Variants in BCL2 observed in about 807,000 individuals in gnomAD.
BCL2 encodes BCL2 apoptosis regulator.
Under a neutral mutation model 14.2 loss-of-function variants are expected in BCL2, and 1 was observed. The observed-to-expected ratio is 0.07, with a 90% CI of 0.02 to 0.33. BCL2 has a LOEUF of 0.33. Among genes scored for constraint, BCL2 ranks in the 10% least tolerant of loss-of-function variants. The pLI, the probability that BCL2 is intolerant of heterozygous loss-of-function variation, is 0.99. For synonymous variants in BCL2, 151 were observed against 137.2 expected (o/e 1.10, Z -0.70); for missense variants, 247 against 305.9 (o/e 0.81, Z 1.44).
intron 2 of BCL2, among the ~76,000 whole-genome samples, chr18:63,175,949 G>T (rs1172311513): frequency 6.6e-6 from 1 of 152,232 alleles, no homozygotes; most frequent in Non-Finnish European, 1.5e-5. Context: ...GATGTGACTT[G>T]TTATGATGGA....
At chr18:63,185,175 C>A (rs1206188433) in intron 2 of BCL2, among the ~76,000 whole-genome samples, 1 of 152,182 alleles carries the variant, frequency 6.6e-6, no homozygotes, top group Non-Finnish European at 1.5e-5. Flanking sequence ...TATTCAGTGT[C>A]ACAAATGAAA....
chr18:63,266,624 C>G (rs1911831545), intron 2 of BCL2, among the ~76,000 whole-genome samples: 2 of 150,140 alleles, frequency 1.3e-5, no homozygotes, highest in Admixed American at 1.3e-4. Context: ...CTCTCTCTCT[C>G]TCTCTCTCTC....
At chr18:63,234,818 C>G (rs1378181141) in intron 2 of BCL2, among the ~76,000 whole-genome samples, 1 of 152,184 alleles carries the variant, frequency 6.6e-6, no homozygotes, top group Non-Finnish European at 1.5e-5. Context: ...GAGATAGCAT[C>G]TAGCTCACAG....
chr18:63,204,463 C>T (rs1909779559), intron 2 of BCL2, among the ~76,000 whole-genome samples: 1 of 152,202 alleles, frequency 6.6e-6, no homozygotes, highest in Non-Finnish European at 1.5e-5. Context: ...ACTCAAGGCA[C>T]ATATTCCAAC....
rs747107129 is a variant in BCL2 at position 63,319,569 on chromosome 18, C to A, written c.-682G>T. 7 of 228,282 alleles carry A rather than the reference C, an allele frequency of 3.1e-5. No individual in the cohort carries two copies. Among genetic ancestry groups the A allele is most frequent in the Non-Finnish European group, 5.2e-5 (6 of 114,974 alleles). The allele number at this position is 228,282 out of a possible 1,614,324, so 14.1% of individuals were successfully genotyped here. On this transcript the variant is annotated 5_prime_UTR_variant, in exon 1 of 3. Coordinates refer to ENST00000333681, the MANE Select transcript of BCL2 (RefSeq NM_000633.3). ...AGGCATGAATCTCTATCCACGGGAC[C>A]GCTTCACGCCTCCCCAGGAGAGAGA...
At chr18:63,265,332 G>T (rs189761858) in intron 2 of BCL2, among the ~76,000 whole-genome samples, 1 of 152,282 alleles carries the variant, frequency 6.6e-6, no homozygotes, top group African/African-American at 2.4e-5. Context: ...AATACAGGAC[G>T]ATTTCCTATA....
At chr18:63,208,137 A>C (rs1388324967) in intron 2 of BCL2, 1 of 152,218 alleles carries the variant, frequency 6.6e-6, no homozygotes, top group Non-Finnish European at 1.5e-5. Context: ...TATGGAATAT[A>C]CTTCCACATT....
chr18:63,217,540 G>C (rs1053650911), intron 2 of BCL2, among the ~76,000 whole-genome samples: 1 of 152,144 alleles, frequency 6.6e-6, no homozygotes, highest in African/African-American at 2.4e-5. Context: ...ATCCCCAATA[G>C]TTCACCCACA....
At chr18:63,302,226 G>A (rs192831853) in intron 2 of BCL2, 412 of 559,338 alleles carry the variant, frequency 7.4e-4, no homozygotes, top group African/African-American at 3.5e-3. Flanking sequence ...CCAGCTACTC[G>A]GGAGGCTGAG....
At chr18:63,273,244 A>G (rs1488190764) in intron 2 of BCL2, among the ~76,000 whole-genome samples, 2 of 152,222 alleles carry the variant, frequency 1.3e-5, no homozygotes, top group Non-Finnish European at 2.9e-5. Context: ...ATCAACCAAT[A>G]CACATGGAAA....
At chr18:63,143,812 G>A (rs1214622278) in intron 2 of BCL2, among the ~76,000 whole-genome samples, 1 of 152,214 alleles carries the variant, frequency 6.6e-6, no homozygotes, top group Non-Finnish European at 1.5e-5. Context: ...GAGCGAGTTG[G>A]CTCAGGTTGC....
chr18:63,131,711 A>G (rs1202687577), intron 2 of BCL2, among the ~76,000 whole-genome samples: 1 of 152,224 alleles, frequency 6.6e-6, no homozygotes, highest in Non-Finnish European at 1.5e-5. Flanking sequence ...TGACATTGAG[A>G]AGGTCAGTGG....
intron 2 of BCL2, among the ~76,000 whole-genome samples, chr18:63,257,828 G>A (rs975817107): frequency 6.6e-6 from 1 of 152,222 alleles, no homozygotes; most frequent in Non-Finnish European, 1.5e-5. Context: ...GGAGCATGGA[G>A]AGGGAAGAGG....
At chr18:63,273,077 A>G (rs4987737) in intron 2 of BCL2, among the ~76,000 whole-genome samples, 4,011 of 152,266 alleles carry the variant, frequency 0.026, 172 homozygotes, top group African/African-American at 0.092. Context: ...CAGGATTTTC[A>G]TAATGATACA....
intron 2 of BCL2, among the ~76,000 whole-genome samples, chr18:63,281,736 GAA>G (rs575219471): frequency 7.3e-6 from 1 of 136,740 alleles, no homozygotes; most frequent in African/African-American, 2.7e-5. Context: ...AAGAAAGAAA[GAA>G]AAAGAGAGAG....
At position 63,123,485 on chromosome 18, in the gene BCL2, A is replaced by G. The variant is rs1240973923; in HGVS notation, c.*5140T>C. On this transcript the variant is annotated 3_prime_UTR_variant, in exon 3 of 3. Coordinates refer to ENST00000333681, the MANE Select transcript of BCL2 (RefSeq NM_000633.3). ...TGGTGGCCAACTGGAGACTTACTTT[A>G]CCTTAACCATGTAAAGTATCCTTAC... 4.9e-6 allele frequency: 1 copy of G among 204,350 alleles called. No individual in the cohort carries two copies. The highest frequency in any genetic ancestry group is 1.0e-5 in the Non-Finnish European group (1 of 99,780). 12.7% of individuals were successfully genotyped at this position (204,350 alleles called of 1,614,324 possible). A position where few individuals can be genotyped will look rare whatever the true frequency, so the allele number is the denominator to read the frequency against.
intron 2 of BCL2, among the ~76,000 whole-genome samples, chr18:63,227,053 CA>C (rs770700439): frequency 7.0e-6 from 1 of 143,644 alleles, no homozygotes; most frequent in Non-Finnish European, 1.5e-5. Flanking sequence ...AAGATAAAAA[CA>C]AAAAAAAATT....
At chr18:63,259,816 A>C (rs914514598) in intron 2 of BCL2, among the ~76,000 whole-genome samples, 2 of 152,256 alleles carry the variant, frequency 1.3e-5, no homozygotes, top group Admixed American at 1.3e-4. Flanking sequence ...ATCTATATTG[A>C]ACAGAAAGAA....
intron 2 of BCL2, among the ~76,000 whole-genome samples, chr18:63,309,926 G>A (rs1485717974): frequency 1.3e-5 from 2 of 151,988 alleles, no homozygotes; most frequent in East Asian, 1.9e-4. Flanking sequence ...GCAGTGACAC[G>A]ATCTCGGCTC....
Sources: gnomAD v4.1 joint callset for allele counts (sites outside exome capture counted in the v4.1 genomes callset) on GRCh38, gnomAD v4.1.1 for gene constraint, MANE v1.5 for transcripts, NCBI Gene and HGNC (gene_info 2026-07-23, HGNC 2026-07-21) for gene names.